The following AKAP6 variants were observed in gnomAD, a reference collection of about 807,000 sequenced individuals.
The protein encoded by AKAP6 is A-kinase anchor protein 6.
AKAP6 carries 58 observed loss-of-function variants against 188.5 expected under a neutral mutation model. The observed-to-expected ratio is 0.31, with a 90% CI of 0.25 to 0.38. The LOEUF (loss-of-function observed/expected upper bound fraction) is 0.38, where lower values mean the gene tolerates loss of function less well. AKAP6 is among the 10% of genes least tolerant of loss of function. The probability of loss-of-function intolerance (pLI) is 1.00; values close to 1 mark genes in which losing one functional copy is unlikely to be tolerated. For synonymous variants in AKAP6, 989 were observed against 998.6 expected, an observed-to-expected ratio of 0.99 and a Z score of 0.18; for missense variants, 2,710 against 2,740.0, an observed-to-expected ratio of 0.99 and a Z score of 0.24.
intron 5 of AKAP6, among the ~76,000 whole-genome samples, chr14:32,590,239 C>T (rs552256752): frequency 1.3e-5 from 2 of 152,064 alleles, no homozygotes; most frequent in Admixed American, 1.3e-4. Context: ...CCACCCTCCC[C>T]TCAGCTGTTC....
chr14:32,740,027 C>T (rs1013908540), intron 11 of AKAP6, among the ~76,000 whole-genome samples: 3 of 152,070 alleles, frequency 2.0e-5, no homozygotes, highest in African/African-American at 4.8e-5. Flanking sequence ...CACATCCTCG[C>T]CAGCATTTGT....
At chr14:32,704,082 C>G (rs530856009) in intron 9 of AKAP6, among the ~76,000 whole-genome samples, 1 of 152,252 alleles carries the variant, frequency 6.6e-6, no homozygotes, top group Non-Finnish European at 1.5e-5. Flanking sequence ...ATCCTTGGAT[C>G]TAAAGGTTAA....
At chr14:32,547,619 G>A (rs144430433) in intron 4 of AKAP6, among the ~76,000 whole-genome samples, 229 of 152,244 alleles carry the variant, frequency 1.5e-3, no homozygotes, top group African/African-American at 4.9e-3. Context: ...TAGATATGAC[G>A]TAATGTTTGA....
At chr14:32,624,627 T>C (rs1254065624) in intron 7 of AKAP6, among the ~76,000 whole-genome samples, 2 of 152,072 alleles carry the variant, frequency 1.3e-5, no homozygotes. Context: ...CAGAAAAATA[T>C]AGGCAGAGAA....
At chr14:32,582,507 C>A (rs533323901) in intron 5 of AKAP6, among the ~76,000 whole-genome samples, 1 of 152,128 alleles carries the variant, frequency 6.6e-6, no homozygotes, top group Admixed American at 6.5e-5. Context: ...ATGTTTGTGG[C>A]GTTCTCTGTA....
At chr14:32,576,438 A>G (rs1566584576) in intron 4 of AKAP6, among the ~76,000 whole-genome samples, 3 of 152,146 alleles carry the variant, frequency 2.0e-5, no homozygotes, top group Non-Finnish European at 4.4e-5. Context: ...TATTTGAAAA[A>G]TTGCAAGGTT....
chr14:32,599,411 G>A lies in AKAP6; in HGVS notation c.2471G>A (p.Ser824Asn), dbSNP rs773801510. 6.2e-7 allele frequency: 1 copy of A among 1,611,704 alleles called. No individual in the cohort carries two copies. The highest frequency in any genetic ancestry group is 1.3e-5 in the African/African-American group (1 of 74,942). Reference protein sequence around the residue: ...DLKLYLETHLSFKLNVDSHCA... With the variant: ...DLKLYLETHLNFKLNVDSHCA... ...TAATGTTCATATTTTTCCTTGCAGAGTTTTAAGTTGAATGTAGACAGTCAT... is the reference window on the plus strand; with the variant it reads ...TAATGTTCATATTTTTCCTTGCAGAATTTTAAGTTGAATGTAGACAGTCAT... The change falls in exon 6 of 14, where the codon AGT becomes AAT. Residue 824 changes from serine to asparagine, a missense_variant and splice_region_variant. Around this residue, in one of 2 missense-constraint regions of AKAP6, gnomAD observed 2,473 missense variants for 2,426.1 expected, o/e 1.02. Coordinates refer to ENST00000280979, the MANE Select transcript of AKAP6 (RefSeq NM_004274.5).
intron 2 of AKAP6, among the ~76,000 whole-genome samples, chr14:32,529,004 T>G (rs1314785022): frequency 6.6e-6 from 1 of 152,200 alleles, no homozygotes; most frequent in East Asian, 1.9e-4. Flanking sequence ...AGAATCAGTT[T>G]GTTATCTATA....
At chr14:32,750,731 A>C (rs1266518027) in intron 11 of AKAP6, among the ~76,000 whole-genome samples, 1 of 93,572 alleles carries the variant, frequency 1.1e-5, no homozygotes, top group Non-Finnish European at 2.6e-5. Flanking sequence ...TCACTAAATT[A>C]ATTTTGTTTT....
At chr14:32,781,212 A>G (rs917037439) in intron 12 of AKAP6, among the ~76,000 whole-genome samples, 3 of 152,056 alleles carry the variant, frequency 2.0e-5, no homozygotes, top group Non-Finnish European at 4.4e-5. Context: ...TTAGGGAAAA[A>G]AAGAGAAAAA....
intron 7 of AKAP6, among the ~76,000 whole-genome samples, chr14:32,616,149 T>G (rs537333835): frequency 3.3e-5 from 5 of 152,326 alleles, no homozygotes; most frequent in African/African-American, 1.2e-4. Context: ...TATACAGTGT[T>G]GGTGGGAGTG....
At chr14:32,565,107 C>G (rs1317657933) in intron 4 of AKAP6, among the ~76,000 whole-genome samples, 1 of 152,090 alleles carries the variant, frequency 6.6e-6, no homozygotes, top group African/African-American at 2.4e-5. Flanking sequence ...CGTACTGTTC[C>G]TAGGCTATCT....
chr14:32,411,631 C>T (rs1322650188), intron 1 of AKAP6, among the ~76,000 whole-genome samples: 1 of 152,086 alleles, frequency 6.6e-6, no homozygotes, highest in Non-Finnish European at 1.5e-5. Flanking sequence ...AAGATGTCAT[C>T]AGTTTTTGGG....
intron 12 of AKAP6, among the ~76,000 whole-genome samples, chr14:32,778,470 GT>G (rs899565098): frequency 8.4e-4 from 123 of 146,974 alleles, no homozygotes; most frequent in Non-Finnish European, 1.1e-3. Flanking sequence ...ATCATTTAAA[GT>G]TTTTTTTTTT....
At chr14:32,521,229 C>T (rs1165382947) in intron 2 of AKAP6, among the ~76,000 whole-genome samples, 1 of 152,138 alleles carries the variant, frequency 6.6e-6, no homozygotes, top group African/African-American at 2.4e-5. Flanking sequence ...CAGCCAATAT[C>T]ATACTGAATG....
chr14:32,730,315 G>A (rs2139822525), intron 9 of AKAP6, among the ~76,000 whole-genome samples: 1 of 152,114 alleles, frequency 6.6e-6, no homozygotes, highest in African/African-American at 2.4e-5. Flanking sequence ...TCGGCTATAT[G>A]GTGACAAAGA....
At chr14:32,354,378 T>C (rs1281811335) in intron 1 of AKAP6, among the ~76,000 whole-genome samples, 2 of 152,054 alleles carry the variant, frequency 1.3e-5, no homozygotes, top group African/African-American at 4.8e-5. Context: ...CCTTGGACAA[T>C]TTACTTAAAT....
At chr14:32,721,601 C>G (rs1566666468) in intron 9 of AKAP6, among the ~76,000 whole-genome samples, 1 of 152,252 alleles carries the variant, frequency 6.6e-6, no homozygotes. Flanking sequence ...TAACCCTGCC[C>G]TTTCTTTTGG....
chr14:32,669,979 C>A (rs1359195626), intron 7 of AKAP6, among the ~76,000 whole-genome samples: 1 of 152,022 alleles, frequency 6.6e-6, no homozygotes, highest in Non-Finnish European at 1.5e-5. Context: ...TGCCTGTAAT[C>A]CCAGCTACTG....
Sources: gnomAD v4.1 joint callset for allele counts (sites outside exome capture counted in the v4.1 genomes callset) on GRCh38, gnomAD v4.1.1 for gene constraint, gnomAD v4.1.1 regional missense constraint, MANE v1.5 for transcripts, NCBI Gene and HGNC (gene_info 2026-07-23, HGNC 2026-07-21) for gene names.